ITSN2: variants seen among roughly 807,000 people sequenced by gnomAD.
ITSN2 encodes the protein intersectin-2.
ITSN2 carries 156 observed loss-of-function variants against 243.7 expected under a neutral mutation model. That is an observed-to-expected ratio of 0.64 (90% CI 0.56 to 0.73). The LOEUF is 0.73. Ranked by LOEUF, ITSN2 falls within the 30% of genes least tolerant of loss-of-function variation. ITSN2 has a pLI of 0.00. For missense variants in ITSN2, 1,801 were observed against 1,996.1 expected, an observed-to-expected ratio of 0.90 and a Z score of 1.86; for synonymous variants, 703 against 699.9, an observed-to-expected ratio of 1.00 and a Z score of -0.07.
intron 15 of ITSN2, among the ~76,000 whole-genome samples, chr2:24,291,055 T>C (rs1465741447): frequency 6.6e-6 from 1 of 152,208 alleles, no homozygotes; most frequent in Non-Finnish European, 1.5e-5. Flanking sequence ...TGACATAGTA[T>C]TGATGTATAG....
intron 30 of ITSN2, 41 bp from the exon 31 acceptor site, chr2:24,218,054 G>C: frequency 7.6e-7 from 1 of 1,319,290 alleles, no homozygotes; most frequent in South Asian, 1.2e-5. Context: ...CTTAAGTGTG[G>C]ATACACAGCC....
intron 4 of ITSN2, among the ~76,000 whole-genome samples, chr2:24,312,788 G>A (rs1683412173): frequency 6.6e-6 from 1 of 152,102 alleles, no homozygotes; most frequent in African/African-American, 2.4e-5. Flanking sequence ...GTTACTTATT[G>A]TAAACGTTTT....
Position 24,251,351 on chromosome 2 carries a change from G to A in ITSN2, c.3120+994C>T, listed in dbSNP as rs1400521305. On this transcript the variant is annotated intron_variant, in intron 25 of 39. Transcript: ENST00000355123. Reference sequence around the variant, plus strand: ...AAAATATATATATATATATATATGTGTGTGTGTGTGTGTGTGTGTGTATAT... The same window carrying A: ...AAAATATATATATATATATATATGTATGTGTGTGTGTGTGTGTGTGTATAT... 1.3e-3 allele frequency among the ~76,000 whole-genome samples: 6 copies of A among 4,472 alleles called. 2 individuals carry two copies. Among genetic ancestry groups the A allele is most frequent in the African/African-American group, 3.8e-3 (6 of 1,574 alleles). 2.9% of individuals were successfully genotyped at this position (4,472 alleles called of 152,430 possible). A position where few individuals can be genotyped will look rare whatever the true frequency, so the allele number is the denominator to read the frequency against.
At chr2:24,334,898 C>T (rs1686183012) in intron 1 of ITSN2, 4 of 442,572 alleles carry the variant, frequency 9.0e-6, no homozygotes, top group South Asian at 4.1e-5. Flanking sequence ...CCCGTCTCTA[C>T]TAAAAATACA....
chr2:24,356,427 C>T (rs1688454101), intron 1 of ITSN2, among the ~76,000 whole-genome samples: 1 of 150,348 alleles, frequency 6.7e-6, no homozygotes, highest in South Asian at 2.1e-4. Context: ...AAAATTTTTG[C>T]AATCTATCCA....
Position 24,313,453 on chromosome 2 carries a change from A to T in ITSN2, c.188+7T>A. 4 of 1,608,856 alleles carry T rather than the reference A, an allele frequency of 2.5e-6. No homozygotes were observed. Among genetic ancestry groups the T allele is most frequent in the Non-Finnish European group, 3.4e-6 (4 of 1,177,378 alleles). On this transcript the variant is annotated splice_region_variant and intron_variant, in intron 4 of 39. Transcript: ENST00000355123. Reference sequence around the variant, plus strand: ...AGAAAATTAGGTTCATCTACAAAACACTTTACCATATTTCAGCTAAAACAG... The same window carrying T: ...AGAAAATTAGGTTCATCTACAAAACTCTTTACCATATTTCAGCTAAAACAG...
chr2:24,331,040 T>G (rs996842015), intron 1 of ITSN2, among the ~76,000 whole-genome samples: 2 of 150,580 alleles, frequency 1.3e-5, no homozygotes, highest in African/African-American at 4.9e-5. Flanking sequence ...GTGCTGAGAT[T>G]ATAGGCATGA....
chr2:24,334,380 A>T, intron 1 of ITSN2: 1 of 373,154 alleles, frequency 2.7e-6, no homozygotes, highest in Non-Finnish European at 5.1e-6. Context: ...TTTTTAGTAG[A>T]GATGGGGTTT....
chr2:24,286,305 T>C lies in ITSN2; in HGVS notation c.1770A>G (p.Glu590=). 1 of 1,608,070 alleles carries C rather than the reference T, an allele frequency of 6.2e-7. No individual in the cohort carries two copies. The highest frequency in any genetic ancestry group is 8.5e-7 in the Non-Finnish European group (1 of 1,174,808). ...LLHKKSLEKE[E]LCQRLKEQLD... is the part of the protein sequence containing the mutation. ...ACTGTTCTTTAAGTCTTTGGCATAATTCTTCCTTTTCTAATGATTTTTTAT... is the reference window on the plus strand; with the variant it reads ...ACTGTTCTTTAAGTCTTTGGCATAACTCTTCCTTTTCTAATGATTTTTTAT... Residue 590 remains glutamate (E), a synonymous_variant, in exon 16 of 40, where the codon GAA becomes GAG. Transcript: ENST00000355123.
chr2:24,313,102 T>C (rs140823508), intron 4 of ITSN2, among the ~76,000 whole-genome samples: 1,975 of 140,900 alleles, frequency 0.014, 24 homozygotes, highest in Non-Finnish European at 0.024. Flanking sequence ...TTTTTTTTTC[T>C]AAAGAGAGTC....
intron 1 of ITSN2, among the ~76,000 whole-genome samples, chr2:24,341,267 G>A (rs1687020578): frequency 6.6e-6 from 1 of 152,156 alleles, no homozygotes; most frequent in African/African-American, 2.4e-5. Flanking sequence ...AGATGGAAGT[G>A]TCCAAGATAT....
chr2:24,306,551 C>T (rs1184342633), intron 8 of ITSN2, among the ~76,000 whole-genome samples: 3 of 152,182 alleles, frequency 2.0e-5, no homozygotes, highest in African/African-American at 7.2e-5. Flanking sequence ...GGTTTTATCG[C>T]TTTAAAGTAT....
intron 29 of ITSN2, among the ~76,000 whole-genome samples, chr2:24,227,653 G>C (rs1026271836): frequency 3.9e-5 from 6 of 152,182 alleles, no homozygotes; most frequent in African/African-American, 1.4e-4. Context: ...GGGCATGGTG[G>C]CTCACACCTG....
At chr2:24,262,008 T>TC (rs1186367092) in intron 20 of ITSN2, among the ~76,000 whole-genome samples, 1 of 152,164 alleles carries the variant, frequency 6.6e-6, no homozygotes, top group Non-Finnish European at 1.5e-5. Flanking sequence ...AAAACAATCC[T>TC]CCCCTATCTC....
Position 24,254,438 on chromosome 2 carries a change from A to AATAT in ITSN2, c.2889-11_2889-8dup, listed in dbSNP as rs755082817. 5 of 1,599,888 alleles carry AATAT rather than the reference A, an allele frequency of 3.1e-6. No individual in the cohort carries two copies. In the East Asian group the frequency reaches 6.7e-5, roughly 21 times the overall value. On this transcript the variant is annotated splice_polypyrimidine_tract_variant and splice_region_variant and intron_variant, in intron 23 of 39. Coordinates refer to ENST00000355123, the MANE Select transcript of ITSN2 (RefSeq NM_006277.3). ...TGCATACAAAGCTTCTGGTCTACCA[A>AATAT]ATATATAAACAAACAAACAAACAAA...
chr2:24,267,839 G>C (rs565685083), intron 20 of ITSN2, among the ~76,000 whole-genome samples: 1 of 152,280 alleles, frequency 6.6e-6, no homozygotes, highest in East Asian at 1.9e-4. Context: ...TTATGGGTGT[G>C]CACCTGCACC....
At chr2:24,248,596 T>C (rs370762475) in intron 27 of ITSN2, 33 bp downstream of exon 27, 186 of 1,544,050 alleles carry the variant, frequency 1.2e-4, no homozygotes, top group Non-Finnish European at 1.5e-4. Context: ...ACTTTTATAA[T>C]AAAATTTATA....
chr2:24,205,141 T>C lies in ITSN2; in HGVS notation c.4762+73A>G, dbSNP rs191346617. 9 of 1,235,002 alleles carry C rather than the reference T, an allele frequency of 7.3e-6. No homozygotes were observed. The East Asian group carries it at 2.1e-4, about 29-fold the overall frequency. 76.5% of individuals were successfully genotyped at this position (1,235,002 alleles called of 1,614,324 possible). A position where few individuals can be genotyped will look rare whatever the true frequency, so the allele number is the denominator to read the frequency against. On this transcript the variant is annotated intron_variant, in intron 38 of 39. Transcript: ENST00000355123. Reference sequence around the variant, plus strand: ...CAGCCTAGGTTATACACTGAGACTCTGTCTCAAAAAGTCATCAGCAAAAAC... The same window carrying C: ...CAGCCTAGGTTATACACTGAGACTCCGTCTCAAAAAGTCATCAGCAAAAAC...
chr2:24,266,022 C>T (rs1436852601), intron 20 of ITSN2, among the ~76,000 whole-genome samples: 1 of 152,146 alleles, frequency 6.6e-6, no homozygotes, highest in Non-Finnish European at 1.5e-5. Flanking sequence ...TCTAGGGTAT[C>T]TTTCAGAATT....
Sources: allele counts gnomAD v4.1 joint callset (sites outside exome capture counted in the v4.1 genomes callset), GRCh38; gene constraint gnomAD v4.1.1; transcripts MANE v1.5; gene names NCBI Gene and HGNC (gene_info 2026-07-23, HGNC 2026-07-21).